Variants in VPS53 observed in about 807,000 individuals in gnomAD.
The protein encoded by VPS53 is VPS53 subunit of GARP complex, also known as vacuolar protein sorting-associated protein 53 homolog.
Under a neutral mutation model 107.0 loss-of-function variants are expected in VPS53, and 70 were observed. The observed-to-expected ratio is 0.65, with a 90% CI of 0.54 to 0.80. The LOEUF (loss-of-function observed/expected upper bound fraction) is 0.80. Ranked by LOEUF, VPS53 falls within the 30% of genes least tolerant of loss-of-function variation. VPS53 has a pLI of 0.00. For synonymous variants in VPS53, 409 were observed against 393.3 expected (o/e 1.04, Z -0.47); for missense variants, 917 against 1,049.4 (o/e 0.87, Z 1.74).
At chr17:582,574 T>C (rs1226870880) in intron 13 of VPS53, among the ~76,000 whole-genome samples, 1 of 147,598 alleles carries the variant, frequency 6.8e-6, no homozygotes, top group African/African-American at 2.5e-5. Flanking sequence ...CTTCAGACGC[T>C]AATGTGTTCC....
intron 17 of VPS53, among the ~76,000 whole-genome samples, chr17:549,541 C>G (rs1911616669): frequency 1.3e-5 from 2 of 151,686 alleles, no homozygotes; most frequent in South Asian, 2.1e-4. Context: ...TTCGTATAAG[C>G]AACACTTGCA....
At chr17:545,764 G>A (rs1338622129) in intron 17 of VPS53, among the ~76,000 whole-genome samples, 1 of 152,126 alleles carries the variant, frequency 6.6e-6, no homozygotes, top group Admixed American at 6.5e-5. Flanking sequence ...AGTTTAATAG[G>A]GAAGACAAAG....
At chr17:609,832 T>C (rs1483492434) in intron 11 of VPS53, among the ~76,000 whole-genome samples, 1 of 151,974 alleles carries the variant, frequency 6.6e-6, no homozygotes. Flanking sequence ...CAAATGCATA[T>C]AAAATTAGTA....
chr17:672,929 G>A (rs1357237208), intron 4 of VPS53, among the ~76,000 whole-genome samples: 4 of 152,020 alleles, frequency 2.6e-5, no homozygotes, highest in Non-Finnish European at 4.4e-5. Flanking sequence ...TGGCGAACAC[G>A]GTGAAACCCC....
At chr17:672,534 A>AGCTTTGTAAATAAGATG (rs1233632527) in intron 4 of VPS53, among the ~76,000 whole-genome samples, 2 of 152,198 alleles carry the variant, frequency 1.3e-5, no homozygotes, top group Non-Finnish European at 2.9e-5. Context: ...CATCTTTTAG[A>AGCTTTGTAAATAAGATG]GCTTTGTAAA....
At chr17:521,930 G>T (rs1908793316) in intron 19 of VPS53, among the ~76,000 whole-genome samples, 192 bp from the exon 20 acceptor site, 1 of 152,132 alleles carries the variant, frequency 6.6e-6, no homozygotes, top group African/African-American at 2.4e-5. Context: ...ACAACATCAA[G>T]GAGCCAGCCT....
At chr17:680,855 C>G (rs1972363549) in intron 4 of VPS53, among the ~76,000 whole-genome samples, 1 of 152,156 alleles carries the variant, frequency 6.6e-6, no homozygotes, top group Non-Finnish European at 1.5e-5. Flanking sequence ...CCTGCCATTC[C>G]CACTCTTAGC....
At chr17:575,791 T>C (rs185291598) in intron 13 of VPS53, among the ~76,000 whole-genome samples, 90 of 146,874 alleles carry the variant, frequency 6.1e-4, no homozygotes, top group African/African-American at 1.7e-3. Context: ...CAGAACCTAA[T>C]GCGGTCCCAG....
chr17:640,844 C>G (rs1359152511), intron 7 of VPS53, among the ~76,000 whole-genome samples: 1 of 152,010 alleles, frequency 6.6e-6, no homozygotes, highest in African/African-American at 2.4e-5. Flanking sequence ...ATGTTTCCAA[C>G]AGCAGTTTTT....
chr17:542,009 G>C (rs917748297), intron 17 of VPS53, among the ~76,000 whole-genome samples: 1 of 147,922 alleles, frequency 6.8e-6, no homozygotes, highest in Non-Finnish European at 1.5e-5. Context: ...CTGAAGGAAC[G>C]TTTATCAAGC....
At position 628,135 on chromosome 17, in the gene VPS53, T is replaced by G. The variant is rs1969795752; in HGVS notation, c.784A>C (p.Lys262Gln). ...IKQEIIKKFI[K>Q]QHLSEYLVLF... ...ACCAGATACTCTGACAGATGCTGTT[T>G]AATAAACTTTTTGATGATTTCCTGT... The change falls in exon 9 of 22, where the codon AAA (lysine) becomes CAA (glutamine). Residue 262 changes from lysine to glutamine, a missense_variant. Lys to Gln is a moderately conservative substitution (Grantham distance 53, BLOSUM62 1). Transcript: ENST00000437048. The G allele has an allele frequency of 3.1e-6, 5 of 1,613,908 alleles. No individual in the cohort carries two copies. The African/African-American group carries it at 6.7e-5, about 22-fold the overall frequency.
At chr17:563,091 T>C (rs1913172236) in intron 13 of VPS53, among the ~76,000 whole-genome samples, 2 of 152,094 alleles carry the variant, frequency 1.3e-5, no homozygotes, top group African/African-American at 4.8e-5. Flanking sequence ...TCCTAGAAAG[T>C]TTCTCACAAA....
Position 624,982 on chromosome 17 carries a change from CTT to C in VPS53, c.975-1310_975-1309del, listed in dbSNP as rs956546677. 5.5e-5 allele frequency among the ~76,000 whole-genome samples: 6 copies of C among 109,366 alleles called. No homozygotes were observed. The Admixed American group carries it at 7.5e-4, about 14-fold the overall frequency. The allele number at this position is 109,366 out of a possible 152,430, so 71.7% of individuals were successfully genotyped here. ...CTTCCTCACTTCCTTCCTTCTCTGT[CTT>C]TCTCTCTCTTCTTTTTTTTTTTTTG... On this transcript the variant is annotated intron_variant, in intron 10 of 21. Transcript: ENST00000437048.
chr17:629,761 T>C (rs556885301), intron 8 of VPS53, among the ~76,000 whole-genome samples: 5 of 140,936 alleles, frequency 3.5e-5, no homozygotes, highest in African/African-American at 1.3e-4. Flanking sequence ...AGACTCCATC[T>C]CAAAAAAAAG....
At chr17:555,346 C>T (rs2151842682) in intron 15 of VPS53, among the ~76,000 whole-genome samples, 1 of 152,340 alleles carries the variant, frequency 6.6e-6, no homozygotes, top group Admixed American at 6.5e-5. Context: ...CACTGCCTTG[C>T]TTTGCCGCAC....
intron 11 of VPS53, among the ~76,000 whole-genome samples, chr17:605,949 A>G (rs575735908): frequency 4.5e-4 from 69 of 152,228 alleles, no homozygotes; most frequent in African/African-American, 1.6e-3. Context: ...TTTGGATTTT[A>G]AAAATATTCC....
intron 7 of VPS53, among the ~76,000 whole-genome samples, chr17:637,811 T>C (rs1970258638): frequency 6.6e-6 from 1 of 152,212 alleles, no homozygotes; most frequent in Non-Finnish European, 1.5e-5. Context: ...TTCTTTTACA[T>C]TTGCTGAGGA....
intron 5 of VPS53, among the ~76,000 whole-genome samples, chr17:659,212 C>T (rs974275440): frequency 6.6e-6 from 1 of 152,116 alleles, no homozygotes; most frequent in African/African-American, 2.4e-5. Flanking sequence ...ATCCTTTTTC[C>T]TACAAAAAAA....
chr17:657,983 TCC>T (rs1971266746), intron 5 of VPS53, among the ~76,000 whole-genome samples: 1 of 139,970 alleles, frequency 7.1e-6, no homozygotes, highest in Non-Finnish European at 1.5e-5. Flanking sequence ...GATAGATACA[TCC>T]CACTAAAGTG....
Sources: allele counts gnomAD v4.1 joint callset (sites outside exome capture counted in the v4.1 genomes callset), GRCh38; gene constraint gnomAD v4.1.1; transcripts MANE v1.5; gene names NCBI Gene and HGNC (gene_info 2026-07-23, HGNC 2026-07-21).